The following SERINC3 variants were observed in gnomAD, a reference collection of about 807,000 sequenced individuals.
SERINC3 encodes tumor differentially expressed protein 1.
Under a neutral mutation model 52.1 loss-of-function variants are expected in SERINC3, and 22 were observed. The ratio of observed to expected loss-of-function variants is 0.42; its 90% CI spans 0.30 to 0.60. The LOEUF is 0.60. Ranked by LOEUF, SERINC3 falls within the 20% of genes least tolerant of loss-of-function variation. The pLI is 0.16. For missense variants in SERINC3, 564 were observed against 584.6 expected, an observed-to-expected ratio of 0.96 and a Z score of 0.36; for synonymous variants, 226 against 212.7, an observed-to-expected ratio of 1.06 and a Z score of -0.54.
chr20:44,521,802 G>C (rs368766462), intron 1 of SERINC3, 111 bp downstream of exon 1: 1 of 1,128,744 alleles, frequency 8.9e-7, no homozygotes, highest in East Asian at 2.6e-5. Context: ...CTGTAGCCCA[G>C]GGCCTGCTGA....
chr20:44,503,896 G>A lies in SERINC3; in HGVS notation c.974C>T (p.Pro325Leu), dbSNP rs767906025. The part of the protein sequence containing the change: ...NSTAVVPTPT[P>L]PSKSGSLLDS... ...CAGTAAAGACCCACTCTTTGATGGT[G>A]GAGTAGGGGTAGGGACCACAGCAGT... The change falls in exon 8 of 10, where the codon CCA becomes CTA. Residue 325 changes from proline (P) to leucine (L), a missense_variant. Transcript: ENST00000342374. The A allele has an allele frequency of 1.1e-5, 17 of 1,604,490 alleles. No homozygotes were observed. In the African/African-American group the frequency reaches 1.9e-4, roughly 18 times the overall value.
chr20:44,506,522 T>C (rs1157213411), intron 6 of SERINC3, among the ~76,000 whole-genome samples: 2 of 142,164 alleles, frequency 1.4e-5, no homozygotes, highest in Admixed American at 7.5e-5. Flanking sequence ...GAGGCAGAGG[T>C]TGCAGTGAGC....
chr20:44,503,736 G>A, intron 8 of SERINC3, 79 bp downstream of exon 8: 3 of 1,175,572 alleles, frequency 2.6e-6, no homozygotes, highest in East Asian at 2.7e-5. Context: ...TTCTCATGCT[G>A]CTTTTTGAAA....
intron 8 of SERINC3, among the ~76,000 whole-genome samples, chr20:44,503,573 A>G (rs954833614): frequency 3.9e-5 from 6 of 152,168 alleles, no homozygotes; most frequent in African/African-American, 1.4e-4. Flanking sequence ...GCTTGAACCC[A>G]GGAGGTGGAG....
At chr20:44,504,699 T>C in intron 7 of SERINC3, 102 bp downstream of exon 7, 1 of 943,774 alleles carries the variant, frequency 1.1e-6, no homozygotes. Flanking sequence ...TTTTGTTTGC[T>C]TGTTTCACAT....
intron 1 of SERINC3, among the ~76,000 whole-genome samples, chr20:44,516,199 G>A (rs1421913109): frequency 6.6e-6 from 1 of 151,820 alleles, no homozygotes; most frequent in African/African-American, 2.4e-5. Flanking sequence ...CTACTCAGGA[G>A]GCTGAGGCAG....
At position 44,501,371 on chromosome 20, in the gene SERINC3, T is replaced by C; in HGVS notation, c.1056-71A>G. ...AATGAACTGCTGCCACTGGCCTGTATACAAGACACTTACTGCTGAGCTGTT... is the reference window on the plus strand; with the variant it reads ...AATGAACTGCTGCCACTGGCCTGTACACAAGACACTTACTGCTGAGCTGTT... On this transcript the variant is annotated intron_variant, in intron 8 of 9. Transcript: ENST00000342374. The C allele has an allele frequency of 5.0e-6, 6 of 1,210,898 alleles. No homozygotes were observed. In the South Asian group the frequency reaches 7.5e-5, roughly 15 times the overall value. 75.0% of individuals were successfully genotyped at this position (1,210,898 alleles called of 1,614,324 possible).
chr20:44,518,344 G>A lies in SERINC3; in HGVS notation c.39+3569C>T, dbSNP rs1227269117. On this transcript the variant is annotated intron_variant, in intron 1 of 9. Transcript: ENST00000342374. ...AAAAAAAAAAAAAAAAAAAAAAGAA[G>A]CCCTGAATTGTTATAAAGATTATTT... Among the ~76,000 whole-genome samples the A allele has an allele frequency of 2.0e-4, 27 of 138,324 alleles. No individual in the cohort carries two copies. The East Asian group carries it at 3.0e-3, about 15-fold the overall frequency. The allele number at this position is 138,324 out of a possible 152,430, so 90.7% of individuals were successfully genotyped here.
In SERINC3 at chr20:44,498,821, T is replaced by G. The variant is rs1442243554; in HGVS notation, c.*1475A>C. ...TAAGGTCCAAACTCTTTACTGAGGTTGATAAAGCCCTTTAAAATTCAGTCC... is the reference window on the plus strand; with the variant it reads ...TAAGGTCCAAACTCTTTACTGAGGTGGATAAAGCCCTTTAAAATTCAGTCC... On this transcript the variant is annotated 3_prime_UTR_variant, in exon 10 of 10. Transcript: ENST00000342374. 1 of 152,216 alleles carries G rather than the reference T, an allele frequency of 6.6e-6. No homozygotes were observed. Among genetic ancestry groups the G allele is most frequent in the Non-Finnish European group, 1.5e-5 (1 of 68,038 alleles). 9.4% of individuals were successfully genotyped at this position (152,216 alleles called of 1,614,324 possible).
At chr20:44,509,504 T>C (rs1004731447) in intron 5 of SERINC3, among the ~76,000 whole-genome samples, 2 of 152,174 alleles carry the variant, frequency 1.3e-5, no homozygotes, top group South Asian at 4.1e-4. Flanking sequence ...ATTCTGGAAA[T>C]TGTGGATTTT....
At chr20:44,515,314 A>G (rs1307523690) in intron 1 of SERINC3, among the ~76,000 whole-genome samples, 1 of 152,190 alleles carries the variant, frequency 6.6e-6, no homozygotes, top group East Asian at 1.9e-4. Context: ...AAATCATGCC[A>G]CTGCACTCCA....
Position 44,521,947 on chromosome 20 carries a change from C to T in SERINC3, c.5G>A (p.Gly2Glu), listed in dbSNP as rs761710698. The T allele has an allele frequency of 6.2e-7, 1 of 1,611,454 alleles. No homozygotes were observed. Among genetic ancestry groups the T allele is most frequent in the African/African-American group, 1.3e-5 (1 of 75,000 alleles). M[G>E]AVLGVFSLAS... ...GAGGGAGAAGACACCCAGCACAGCC[C>T]CCATGGTGACGCCAGTGATGGAGGT... is the stretch of plus-strand genomic sequence containing the variant. Residue 2 changes from glycine (G) to glutamate (E), a missense_variant, in exon 1 of 10, where the codon GGG becomes GAG. Gly to Glu is a moderately conservative substitution (Grantham distance 98, BLOSUM62 -2). Coordinates refer to ENST00000342374, the MANE Select transcript of SERINC3 (RefSeq NM_006811.4).
At chr20:44,509,114 G>C (rs2064332081) in intron 5 of SERINC3, among the ~76,000 whole-genome samples, 1 of 152,268 alleles carries the variant, frequency 6.6e-6, no homozygotes, top group East Asian at 1.9e-4. Context: ...GAAGTAGTAA[G>C]TGCTCTAACA....
chr20:44,512,991 G>C lies in SERINC3; in HGVS notation c.205C>G (p.Pro69Ala), dbSNP rs2064358143. 1 of 1,492,404 alleles carries C rather than the reference G, an allele frequency of 6.7e-7. No homozygotes were observed. The highest frequency in any genetic ancestry group is 2.8e-5 in the Admixed American group (1 of 35,732). The allele number at this position is 1,492,404 out of a possible 1,614,324, so 92.4% of individuals were successfully genotyped here. Residue 69 changes from proline (P) to alanine (A), a missense_variant, in exon 3 of 10, where the codon CCT (proline) becomes GCT (alanine). Physicochemically the swap from Pro to Ala is conservative, Grantham distance 27. Transcript: ENST00000342374. Reference sequence around the variant, plus strand: ...TTAAATCCCCCTTCACAAAATCCAGGAATCTGGAAAAAAGCAATTTCAATG... The same window carrying C: ...TTAAATCCCCCTTCACAAAATCCAGCAATCTGGAAAAAAGCAATTTCAATG... ...KEMETYLKKI[P>A]GFCEGGFKIH...
At position 44,521,892 on chromosome 20, in the gene SERINC3, G is replaced by A. The variant is rs778251604; in HGVS notation, c.39+21C>T. 26 of 1,603,734 alleles carry A rather than the reference G, an allele frequency of 1.6e-5. No individual in the cohort carries two copies. In the East Asian group the frequency reaches 4.7e-4, roughly 29 times the overall value. On this transcript the variant is annotated intron_variant, in intron 1 of 9. Transcript: ENST00000342374. ...CCCCGCAAACCGCAGGTCCGGCGAG[G>A]ACTCGGGACCCCGAACTCACCCAGC...
At chr20:44,520,334 C>G (rs1042575764) in intron 1 of SERINC3, among the ~76,000 whole-genome samples, 1 of 152,186 alleles carries the variant, frequency 6.6e-6, no homozygotes, top group Non-Finnish European at 1.5e-5. Context: ...CTGCCCCAGA[C>G]AGAGCATGGA....
At position 44,518,316 on chromosome 20, in the gene SERINC3, C is replaced by T. The variant is rs536000443; in HGVS notation, c.39+3597G>A. ...TCTCTACTAAAAATGCAAAATTAGC[C>T]TCAAAAAAAAAAAAAAAAAAAAAAG... On this transcript the variant is annotated intron_variant, in intron 1 of 9. Transcript: ENST00000342374. Among the ~76,000 whole-genome samples the T allele has an allele frequency of 3.6e-3, 255 of 71,522 alleles. 1 individual carries two copies. The highest frequency in any genetic ancestry group is 0.016 in the African/African-American group (229 of 13,970). 46.9% of individuals were successfully genotyped at this position (71,522 alleles called of 152,430 possible).
At chr20:44,502,779 T>C (rs78648919) in intron 8 of SERINC3, among the ~76,000 whole-genome samples, 1,673 of 152,050 alleles carry the variant, frequency 0.011, 13 homozygotes, top group Non-Finnish European at 0.017. Context: ...CTAATTTTTA[T>C]AGAGACGGGC....
rs1007536358 is a variant in SERINC3 at position 44,515,900 on chromosome 20, C to T, written c.40-1860G>A. 2.0e-5 allele frequency among the ~76,000 whole-genome samples: 3 copies of T among 152,212 alleles called. No individual in the cohort carries two copies. The South Asian group carries it at 6.2e-4, about 32-fold the overall frequency. On this transcript the variant is annotated intron_variant, in intron 1 of 9. Coordinates refer to ENST00000342374, the MANE Select transcript of SERINC3 (RefSeq NM_006811.4). ...TGAATTCCTGAGCTCAGGCAATCCACCCACACTGGCCACCGAAAGTGCTGG... is the reference window on the plus strand; with the variant it reads ...TGAATTCCTGAGCTCAGGCAATCCATCCACACTGGCCACCGAAAGTGCTGG...
Sources: gnomAD v4.1 joint callset for allele counts (sites outside exome capture counted in the v4.1 genomes callset) on GRCh38, gnomAD v4.1.1 for gene constraint, MANE v1.5 for transcripts, NCBI Gene and HGNC (gene_info 2026-07-23, HGNC 2026-07-21) for gene names.